Variants in XRN1 observed in about 807,000 individuals in gnomAD.
XRN1 encodes the protein 5'-3' exoribonuclease 1.
XRN1 carries 67 observed loss-of-function variants against 222.3 expected under a neutral mutation model. That is an observed-to-expected ratio of 0.30 (90% confidence interval 0.25 to 0.37). The LOEUF (loss-of-function observed/expected upper bound fraction) is 0.37, where lower values mean the gene tolerates loss of function less well. Ranked by LOEUF, XRN1 falls within the 10% of genes least tolerant of loss-of-function variation. The pLI, the probability that XRN1 is intolerant of heterozygous loss-of-function variation, is 1.00. For missense variants in XRN1, 1,707 were observed against 2,000.2 expected, an observed-to-expected ratio of 0.85 and a Z score of 2.80; for synonymous variants, 643 against 652.4, an observed-to-expected ratio of 0.99 and a Z score of 0.22.
chr3:142,432,902 CAAAG>C lies in XRN1; in HGVS notation c.76-13_76-10del. The stretch of plus-strand genomic sequence containing the variant: ...TTGTCAAATTCAGGAATCTGAAAAA[CAAAG>C]AAAAATGCTTGAGATCATTTATTTT... On this transcript the variant is annotated splice_polypyrimidine_tract_variant and intron_variant, in intron 1 of 40. Coordinates refer to ENST00000392981, the MANE Select transcript of XRN1 (RefSeq NM_001282857.2). 2 of 1,585,812 alleles carry C rather than the reference CAAAG, an allele frequency of 1.3e-6. No homozygotes were observed. Among genetic ancestry groups the C allele is most frequent in the African/African-American group, 2.7e-5 (2 of 73,968 alleles).
intron 5 of XRN1, among the ~76,000 whole-genome samples, chr3:142,424,483 T>G (rs1471631216): frequency 1.3e-5 from 2 of 152,188 alleles, no homozygotes; most frequent in African/African-American, 2.4e-5. Context: ...ACTGTTTATT[T>G]CAATCTTGAT....
chr3:142,375,922 T>C lies in XRN1; in HGVS notation c.2854A>G (p.Asn952Asp). The change falls in exon 25 of 41, where the codon AAT (asparagine) becomes GAT (aspartate). Residue 952 changes from asparagine to aspartate, a missense_variant. By Grantham distance (23) the Asn-to-Asp change is conservative. Transcript: ENST00000392981. Reference sequence around the variant, plus strand: ...TTGAATTTGAGATTTAAACCCACATTTGCTTTATGGTCTCCATGAGGGCTG... The same window carrying C: ...TTGAATTTGAGATTTAAACCCACATCTGCTTTATGGTCTCCATGAGGGCTG... ...RRNPHGDHKA[N>D]VGLNLKFNKK... is the part of the protein sequence containing the mutation. 6.2e-7 allele frequency: 1 copy of C among 1,613,684 alleles called. No homozygotes were observed. Among genetic ancestry groups the C allele is most frequent in the Non-Finnish European group, 8.5e-7 (1 of 1,179,868 alleles).
intron 33 of XRN1, among the ~76,000 whole-genome samples, chr3:142,335,821 C>T (rs1283637163): frequency 6.6e-6 from 1 of 152,076 alleles, no homozygotes; most frequent in Non-Finnish European, 1.5e-5. Flanking sequence ...GCAAGTTCCA[C>T]TGGAAGTTAA....
intron 1 of XRN1, chr3:142,434,924 C>T (rs960832305): frequency 9.2e-5 from 14 of 151,658 alleles, no homozygotes; most frequent in Admixed American, 1.3e-4. Flanking sequence ...AGAAATGTAA[C>T]AAAAAAATTA....
chr3:142,361,963 C>CTTTTTTTT (rs71153961), intron 29 of XRN1, among the ~76,000 whole-genome samples: 20 of 51,668 alleles, frequency 3.9e-4, no homozygotes, highest in East Asian at 6.6e-4. Flanking sequence ...CTTTTTCTCT[C>CTTTTTTTT]TTTTTTTTTT....
intron 33 of XRN1, among the ~76,000 whole-genome samples, chr3:142,337,309 C>A (rs1447238474): frequency 6.6e-6 from 1 of 152,102 alleles, no homozygotes; most frequent in Non-Finnish European, 1.5e-5. Flanking sequence ...TTCATCATAG[C>A]ACTTATTATT....
intron 22 of XRN1, among the ~76,000 whole-genome samples, chr3:142,381,791 T>C (rs2107933672): frequency 1.3e-5 from 2 of 152,198 alleles, no homozygotes; most frequent in Admixed American, 1.3e-4. Flanking sequence ...GGTCTCGAAC[T>C]CCTGGCCTCA....
chr3:142,419,589 T>A (rs1440687508), intron 10 of XRN1, among the ~76,000 whole-genome samples: 1 of 152,070 alleles, frequency 6.6e-6, no homozygotes, highest in Non-Finnish European at 1.5e-5. Flanking sequence ...GGTGGGCAGA[T>A]CACGAGGTCA....
At chr3:142,426,566 T>C (rs773463057) in intron 3 of XRN1, 178 bp downstream of exon 3, 6 of 568,760 alleles carry the variant, frequency 1.1e-5, no homozygotes, top group South Asian at 7.4e-5. Flanking sequence ...ACAGTTTTTG[T>C]AGGAGTATTT....
intron 33 of XRN1, among the ~76,000 whole-genome samples, chr3:142,344,141 A>G (rs1005278122): frequency 3.3e-5 from 5 of 152,162 alleles, no homozygotes; most frequent in African/African-American, 1.2e-4. Context: ...GGTACAAAAA[A>G]ATAGATGAAT....
At chr3:142,445,519 A>T (rs779111326) in intron 1 of XRN1, among the ~76,000 whole-genome samples, 1 of 152,226 alleles carries the variant, frequency 6.6e-6, no homozygotes, top group Non-Finnish European at 1.5e-5. Flanking sequence ...TTCAGGGAAT[A>T]TAAGTTCACA....
chr3:142,407,079 C>T (rs1426857906), intron 15 of XRN1, among the ~76,000 whole-genome samples: 1 of 152,178 alleles, frequency 6.6e-6, no homozygotes, highest in Non-Finnish European at 1.5e-5. Flanking sequence ...ATGCCTGCTG[C>T]GTAAGTATAT....
chr3:142,327,915 G>T (rs551259793), intron 37 of XRN1, among the ~76,000 whole-genome samples: 1 of 152,054 alleles, frequency 6.6e-6, no homozygotes, highest in African/African-American at 2.4e-5. Flanking sequence ...ACTTATAAAT[G>T]AGAACATGTG....
intron 20 of XRN1, among the ~76,000 whole-genome samples, chr3:142,389,787 T>C (rs571720736): frequency 6.6e-6 from 1 of 152,366 alleles, no homozygotes; most frequent in South Asian, 2.1e-4. Flanking sequence ...CCCAAAGTGC[T>C]GGGATTACAG....
At chr3:142,443,024 C>T (rs1009385872) in intron 1 of XRN1, among the ~76,000 whole-genome samples, 30 of 152,198 alleles carry the variant, frequency 2.0e-4, no homozygotes, top group African/African-American at 4.1e-4. Flanking sequence ...TGAGCCACCG[C>T]GCCCGGCCCA....
chr3:142,432,958 A>C, intron 1 of XRN1, 65 bp from the exon 2 acceptor site: 1 of 1,233,370 alleles, frequency 8.1e-7, no homozygotes, highest in Non-Finnish European at 1.1e-6. Context: ...CTTAAGCAGC[A>C]GGGAAAAGTG....
At chr3:142,435,616 G>C (rs898028579) in intron 1 of XRN1, among the ~76,000 whole-genome samples, 1 of 151,840 alleles carries the variant, frequency 6.6e-6, no homozygotes, top group Non-Finnish European at 1.5e-5. Flanking sequence ...AAATTAGCCT[G>C]GGTGGTGGCG....
intron 33 of XRN1, among the ~76,000 whole-genome samples, chr3:142,338,287 G>C (rs1206964724): frequency 6.6e-6 from 1 of 152,182 alleles, no homozygotes; most frequent in African/African-American, 2.4e-5. Flanking sequence ...ACTCAGGCTT[G>C]TGTCAGAGTC....
chr3:142,442,358 C>T (rs2070262338), intron 1 of XRN1, among the ~76,000 whole-genome samples: 1 of 152,022 alleles, frequency 6.6e-6, no homozygotes, highest in African/African-American at 2.4e-5. Flanking sequence ...CCAAAAGAGC[C>T]GCAAGGCAGG....
Sources: allele counts gnomAD v4.1 joint callset (sites outside exome capture counted in the v4.1 genomes callset), GRCh38; gene constraint gnomAD v4.1.1; transcripts MANE v1.5; gene names NCBI Gene and HGNC (gene_info 2026-07-23, HGNC 2026-07-21).